Variants in OR3A2 observed in about 807,000 individuals in gnomAD.
OR3A2 encodes olfactory receptor family 3 subfamily A member 2, also known as olfactory receptor 3A2.
For missense variants in OR3A2, 318 were observed against 392.8 expected (o/e 0.81, Z 1.61); for synonymous variants, 126 against 159.3 (o/e 0.79, Z 1.57).
At chr17:3,335,309 G>A (rs1390829425) in intron 3 of OR3A2, among the ~76,000 whole-genome samples, 1 of 152,040 alleles carries the variant, frequency 6.6e-6, no homozygotes, top group Non-Finnish European at 1.5e-5. Flanking sequence ...TGTTTATGCA[G>A]TCAAATCTGT....
intron 3 of OR3A2, among the ~76,000 whole-genome samples, chr17:3,318,009 A>T (rs1219487114): frequency 6.6e-6 from 1 of 152,178 alleles, no homozygotes; most frequent in Admixed American, 6.5e-5. Context: ...TTGGCGTTTT[A>T]GTTAAGCAGC....
chr17:3,301,845 T>G (rs2048968538), intron 3 of OR3A2, among the ~76,000 whole-genome samples: 1 of 152,192 alleles, frequency 6.6e-6, no homozygotes, highest in African/African-American at 2.4e-5. Flanking sequence ...AAGTCTTTAA[T>G]CCATCTTGAA....
chr17:3,326,106 CA>C (rs1343830570), intron 3 of OR3A2, among the ~76,000 whole-genome samples: 4 of 152,048 alleles, frequency 2.6e-5, no homozygotes, highest in African/African-American at 9.7e-5. Flanking sequence ...CATGTTCCTG[CA>C]AAGGACAGGA....
chr17:3,300,513 C>A (rs1354760883), intron 3 of OR3A2, among the ~76,000 whole-genome samples: 1 of 152,086 alleles, frequency 6.6e-6, no homozygotes, highest in Non-Finnish European at 1.5e-5. Context: ...GAGCTGAGAT[C>A]ACACCACTGC....
intron 3 of OR3A2, among the ~76,000 whole-genome samples, chr17:3,306,393 C>A (rs562533526): frequency 6.6e-6 from 1 of 152,028 alleles, no homozygotes; most frequent in Admixed American, 6.6e-5. Context: ...TCCCCCCACT[C>A]CAGCCTCCCA....
intron 2 of OR3A2, among the ~76,000 whole-genome samples, chr17:3,365,183 A>G (rs1364210675): frequency 6.6e-6 from 1 of 150,628 alleles, no homozygotes; most frequent in African/African-American, 2.5e-5. Context: ...TTCACTCTAC[A>G]AAAATTCATA....
At chr17:3,315,739 C>G (rs8080463) in intron 3 of OR3A2, among the ~76,000 whole-genome samples, 1 of 134,150 alleles carries the variant, frequency 7.5e-6, no homozygotes, top group South Asian at 2.7e-4. Context: ...AAAGTGCTAA[C>G]TGGTGAAAAT....
intron 2 of OR3A2, among the ~76,000 whole-genome samples, chr17:3,348,431 T>C (rs1052551812): frequency 1.3e-5 from 2 of 151,870 alleles, no homozygotes; most frequent in African/African-American, 2.4e-5. Context: ...AGGGTATCAG[T>C]GATGGAAGAT....
chr17:3,378,430 C>A (rs2049703430), intron 2 of OR3A2, among the ~76,000 whole-genome samples: 2 of 152,206 alleles, frequency 1.3e-5, no homozygotes, highest in Admixed American at 1.3e-4. Flanking sequence ...GAGGCCAGAG[C>A]AGAGCAGGCA....
intron 3 of OR3A2, among the ~76,000 whole-genome samples, chr17:3,333,180 G>A (rs893129098): frequency 2.6e-5 from 4 of 152,152 alleles, no homozygotes; most frequent in African/African-American, 9.7e-5. Context: ...GCCGCTCTGG[G>A]AGCATCTGTC....
intron 2 of OR3A2, among the ~76,000 whole-genome samples, chr17:3,366,948 C>G (rs1234199535): frequency 1.3e-5 from 2 of 152,210 alleles, no homozygotes; most frequent in Non-Finnish European, 2.9e-5. Context: ...GGCCCTGAGA[C>G]AAATTATAAG....
intron 3 of OR3A2, among the ~76,000 whole-genome samples, chr17:3,296,229 A>G (rs1250826178): frequency 1.3e-5 from 2 of 152,200 alleles, no homozygotes; most frequent in Non-Finnish European, 2.9e-5. Context: ...AGAAATCCTT[A>G]AGAAACGGTT....
chr17:3,300,122 A>G (rs997577184), intron 3 of OR3A2, among the ~76,000 whole-genome samples: 1 of 150,856 alleles, frequency 6.6e-6, no homozygotes, highest in Non-Finnish European at 1.5e-5. Context: ...TTTCTATAAG[A>G]CTTTCCCTTC....
chr17:3,343,443 C>G (rs577804671), intron 2 of OR3A2, among the ~76,000 whole-genome samples: 30 of 152,324 alleles, frequency 2.0e-4, no homozygotes, highest in African/African-American at 6.7e-4. Flanking sequence ...AATTGACTCA[C>G]TGGCCAACAT....
At chr17:3,321,587 G>T (rs1240646122) in intron 3 of OR3A2, among the ~76,000 whole-genome samples, 1 of 152,182 alleles carries the variant, frequency 6.6e-6, no homozygotes, top group Non-Finnish European at 1.5e-5. Context: ...TTTTTAGCAT[G>T]AAGCGTTGTT....
At chr17:3,366,220 T>C (rs372491707) in intron 2 of OR3A2, among the ~76,000 whole-genome samples, 16 of 152,188 alleles carry the variant, frequency 1.1e-4, no homozygotes, top group African/African-American at 3.9e-4. Flanking sequence ...GATTTATACG[T>C]TGAAGAATGG....
rs190063252 is a variant in OR3A2, at chr17:3,338,315, C to T, written c.-178-2189G>A. On this transcript the variant is annotated intron_variant, in intron 2 of 4. Transcript: ENST00000573491. ...TCTATTTTGGCTTTTGTTGCCATTG[C>T]TTTTGGTGTTTCAGTCATGAAGTCC... Among the ~76,000 whole-genome samples, 371 of 152,178 alleles carry T rather than the reference C, an allele frequency of 2.4e-3. 1 individual carries two copies. The highest frequency in any genetic ancestry group is 0.017 in the Middle Eastern group (5 of 294).
intron 2 of OR3A2, among the ~76,000 whole-genome samples, chr17:3,370,720 C>T (rs908495128): frequency 4.0e-5 from 6 of 151,412 alleles, no homozygotes; most frequent in African/African-American, 1.5e-4. Context: ...GGAAGGTCAG[C>T]AGATAAACAA....
chr17:3,359,096 G>GC (rs1253176535), intron 2 of OR3A2, among the ~76,000 whole-genome samples: 1 of 151,746 alleles, frequency 6.6e-6, no homozygotes, highest in African/African-American at 2.4e-5. Flanking sequence ...AATTAGGATT[G>GC]CAACCCCTGC....
Sources: allele counts gnomAD v4.1 joint callset (sites outside exome capture counted in the v4.1 genomes callset), GRCh38; gene constraint gnomAD v4.1.1; transcripts MANE v1.5; gene names NCBI Gene and HGNC (gene_info 2026-07-23, HGNC 2026-07-21).